PCDH9: variants seen among roughly 807,000 people sequenced by gnomAD.
The protein encoded by PCDH9 is protocadherin 9.
In PCDH9, 24 loss-of-function variants were observed where a neutral mutation model predicts 70.6. The ratio of observed to expected loss-of-function variants is 0.34; its 90% CI spans 0.25 to 0.48. The LOEUF (loss-of-function observed/expected upper bound fraction) is 0.48. Ranked by LOEUF, PCDH9 falls within the 20% of genes least tolerant of loss-of-function variation. PCDH9 has a pLI of 0.99. For synonymous variants in PCDH9, 562 were observed against 558.5 expected (o/e 1.01, Z -0.09); for missense variants, 1,281 against 1,503.6 (o/e 0.85, Z 2.45).
chr13:66,894,215 T>C (rs1342320506), intron 3 of PCDH9, among the ~76,000 whole-genome samples: 2 of 152,128 alleles, frequency 1.3e-5, no homozygotes, highest in Admixed American at 6.6e-5. Context: ...TTCATTCTTT[T>C]TAACGACTTA....
chr13:67,131,195 C>A (rs938396279), intron 2 of PCDH9, among the ~76,000 whole-genome samples: 42 of 152,084 alleles, frequency 2.8e-4, no homozygotes, highest in African/African-American at 9.2e-4. Flanking sequence ...AATTTAGACT[C>A]CTATTTTAAA....
Position 67,227,310 on chromosome 13 carries a change from A to T in PCDH9, c.1131T>A (p.Asp377Glu). The T allele has an allele frequency of 6.2e-7, 1 of 1,613,742 alleles. No homozygotes were observed. Among genetic ancestry groups the T allele is most frequent in the Admixed American group, 1.7e-5 (1 of 60,012 alleles). ...INGTVYLSEK[D>E]PVNTKIALIT... ...TTAGGGCAATCTTTGTATTGACAGGATCTTTCTCAGATAAATACACGGTGC... is the reference window on the plus strand; with the variant it reads ...TTAGGGCAATCTTTGTATTGACAGGTTCTTTCTCAGATAAATACACGGTGC... Residue 377 changes from aspartate (D) to glutamate (E), a missense_variant, in exon 2 of 5, where the codon GAT (aspartate) becomes GAA (glutamate). Asp to Glu is a conservative substitution (Grantham distance 45). Transcript: ENST00000377865. The surrounding 1 kb of genome is among the most constrained non-coding windows in gnomAD (Gnocchi z 4.6).
intron 4 of PCDH9, among the ~76,000 whole-genome samples, chr13:66,517,513 C>G (rs1258642057): frequency 6.6e-6 from 1 of 152,098 alleles, no homozygotes; most frequent in Non-Finnish European, 1.5e-5. Flanking sequence ...ACAAAACTTG[C>G]TATCAGGGAC....
At chr13:66,793,235 G>C (rs944823435) in intron 3 of PCDH9, among the ~76,000 whole-genome samples, 6 of 152,104 alleles carry the variant, frequency 3.9e-5, no homozygotes, top group African/African-American at 1.2e-4. Flanking sequence ...CACTCCTCTG[G>C]AGAGAACATG....
intron 4 of PCDH9, among the ~76,000 whole-genome samples, chr13:66,321,185 C>CCCAA (rs1955746830): frequency 6.6e-6 from 1 of 151,964 alleles, no homozygotes; most frequent in Non-Finnish European, 1.5e-5. Flanking sequence ...GTTGAAGAAA[C>CCCAA]CCAAAGTCAT....
chr13:67,088,016 A>G (rs1329852909), intron 2 of PCDH9, among the ~76,000 whole-genome samples: 1 of 152,088 alleles, frequency 6.6e-6, no homozygotes, highest in Non-Finnish European at 1.5e-5. Flanking sequence ...TAGCCTGATC[A>G]GCCCAAAAGC....
At chr13:66,400,312 T>C (rs1457458500) in intron 4 of PCDH9, among the ~76,000 whole-genome samples, 3 of 152,228 alleles carry the variant, frequency 2.0e-5, no homozygotes, top group African/African-American at 7.2e-5. Context: ...ATGAGTATCA[T>C]TCTTAGGCAA....
At chr13:66,906,448 G>T (rs1359512507) in intron 2 of PCDH9, among the ~76,000 whole-genome samples, 1 of 152,192 alleles carries the variant, frequency 6.6e-6, no homozygotes, top group Non-Finnish European at 1.5e-5. Flanking sequence ...AGGGCCAACA[G>T]TGCCAAGAGT....
chr13:66,911,386 C>G (rs966200443), intron 2 of PCDH9, among the ~76,000 whole-genome samples: 1 of 152,184 alleles, frequency 6.6e-6, no homozygotes, highest in Non-Finnish European at 1.5e-5. Flanking sequence ...TCTAACCTCT[C>G]TAACTTAATA....
At chr13:66,757,615 TCA>T (rs2079556766) in intron 3 of PCDH9, among the ~76,000 whole-genome samples, 1 of 151,954 alleles carries the variant, frequency 6.6e-6, no homozygotes, top group Non-Finnish European at 1.5e-5. Context: ...TTCAAGCATG[TCA>T]CATACGATAT....
chr13:67,140,026 C>CCA (rs1491513616), intron 2 of PCDH9, among the ~76,000 whole-genome samples: 6 of 18,966 alleles, frequency 3.2e-4, no homozygotes, highest in African/African-American at 7.6e-4. Context: ...TTTTTGATCA[C>CCA]CCCCCCCCCC....
At chr13:66,727,204 T>A (rs1269516807) in intron 3 of PCDH9, among the ~76,000 whole-genome samples, 1 of 152,096 alleles carries the variant, frequency 6.6e-6, no homozygotes, top group Non-Finnish European at 1.5e-5. Flanking sequence ...AAGGCTGCAG[T>A]GAGCTATGAT....
rs1816358057 is a variant in PCDH9, at chr13:66,834,039, A to T, written c.3138+69465T>A. Among the ~76,000 whole-genome samples, 4 of 151,988 alleles carry T rather than the reference A, an allele frequency of 2.6e-5. No individual in the cohort carries two copies. In the South Asian group the frequency reaches 8.3e-4, roughly 32 times the overall value. On this transcript the variant is annotated intron_variant, in intron 3 of 4. Transcript: ENST00000377865. ...TGAAAAAAATCTAATTTATAAATCA[A>T]TTTTTTGCAATATGGCACACTTCAT... is the stretch of plus-strand genomic sequence containing the variant.
At chr13:67,211,693 A>C (rs2089471201) in intron 2 of PCDH9, 1 of 152,108 alleles carries the variant, frequency 6.6e-6, no homozygotes, top group Non-Finnish European at 1.5e-5. Context: ...TATAAAATAA[A>C]GGTCTCTTGT....
Position 67,226,033 on chromosome 13 carries a change from C to A in PCDH9, c.2408G>T (p.Ser803Ile). ...GTCCTCATTTTGATAGGGTTGGCTA[C>A]TATCCCCTATGTTCCTGTCCAACGG... ...ETPLDRNIGD[S>I]SQPYQNEDYL... The change falls in exon 2 of 5, where the codon AGT becomes ATT. Residue 803 changes from serine to isoleucine, a missense_variant. This residue lies in a region of PCDH9 where 798 missense variants were observed against 1,003.1 expected (regional missense o/e 0.80). Coordinates refer to ENST00000377865, the MANE Select transcript of PCDH9 (RefSeq NM_203487.3). This position sits in a 1 kb window ranked among gnomAD's most constrained non-coding sequence, Gnocchi z 5.0. The A allele has an allele frequency of 2.5e-6, 4 of 1,614,054 alleles. No homozygotes were observed. Among genetic ancestry groups the A allele is most frequent in the Non-Finnish European group, 3.4e-6 (4 of 1,179,972 alleles).
chr13:67,168,571 T>A (rs1594604588), intron 2 of PCDH9, among the ~76,000 whole-genome samples: 1 of 147,092 alleles, frequency 6.8e-6, no homozygotes, highest in Admixed American at 6.8e-5. Context: ...TACAAAATGT[T>A]AAAAAAAAAA....
At chr13:66,717,360 G>A (rs1347089503) in intron 3 of PCDH9, among the ~76,000 whole-genome samples, 2 of 144,334 alleles carry the variant, frequency 1.4e-5, no homozygotes, top group Admixed American at 1.4e-4. Context: ...GCTGAGCCAG[G>A]AGAATTGCTT....
intron 4 of PCDH9, among the ~76,000 whole-genome samples, chr13:66,317,739 G>GA (rs200330247): frequency 6.7e-5 from 10 of 149,918 alleles, no homozygotes; most frequent in Non-Finnish European, 1.3e-4. Flanking sequence ...GGATATTTAA[G>GA]AAAAAAAAAG....
intron 3 of PCDH9, among the ~76,000 whole-genome samples, chr13:66,816,133 T>C (rs2080601019): frequency 6.6e-6 from 1 of 152,234 alleles, no homozygotes; most frequent in Non-Finnish European, 1.5e-5. Flanking sequence ...ACATAAATCA[T>C]TCATGGAAAC....
Sources: allele counts gnomAD v4.1 joint callset (sites outside exome capture counted in the v4.1 genomes callset), GRCh38; gene constraint gnomAD v4.1.1; regional missense constraint gnomAD v4.1.1; non-coding constraint Gnocchi (gnomAD v3.1); transcripts MANE v1.5; gene names NCBI Gene and HGNC (gene_info 2026-07-23, HGNC 2026-07-21).